The following HMCN2 variants were observed in gnomAD, a reference collection of about 807,000 sequenced individuals.
HMCN2 encodes the protein hemicentin-2.
In HMCN2, 325 loss-of-function variants were observed where a neutral mutation model predicts 377.5. That is an observed-to-expected ratio of 0.86 (90% CI 0.79 to 0.94). The LOEUF (loss-of-function observed/expected upper bound fraction) is 0.94. Ranked by LOEUF, HMCN2 falls within the 40% of genes least tolerant of loss-of-function variation. The probability of loss-of-function intolerance (pLI) is 0.00; values close to 1 mark genes in which losing one functional copy is unlikely to be tolerated. For missense variants in HMCN2, 4,543 were observed against 4,725.3 expected (o/e 0.96, Z 1.13); for synonymous variants, 2,007 against 2,046.8 (o/e 0.98, Z 0.53).
chr9:130,400,763 A>T lies in HMCN2; in HGVS notation c.11606-20A>T. Reference sequence around the variant, plus strand: ...CCCTGTGCCCGCCGGCAGGGCCTCAAGCCTTGTCTTGGGTTTTAGTGCCTC... The same window carrying T: ...CCCTGTGCCCGCCGGCAGGGCCTCATGCCTTGTCTTGGGTTTTAGTGCCTC... On this transcript the variant is annotated intron_variant, in intron 76 of 97. Coordinates refer to ENST00000683500, the MANE Select transcript of HMCN2 (RefSeq NM_001291815.2). 7.8e-7 allele frequency: 1 copy of T among 1,275,528 alleles called. No homozygotes were observed. Among genetic ancestry groups the T allele is most frequent in the Non-Finnish European group, 1.0e-6 (1 of 981,144 alleles). 79.0% of individuals were successfully genotyped at this position (1,275,528 alleles called of 1,614,324 possible). A position where few individuals can be genotyped will look rare whatever the true frequency, so the allele number is the denominator to read the frequency against.
chr9:130,395,133 G>GGGC, intron 70 of HMCN2, 25 bp downstream of exon 70: 3 of 453,780 alleles, frequency 6.6e-6, no homozygotes, highest in Non-Finnish European at 7.8e-6. Flanking sequence ...TGGGGTGGGG[G>GGGC]CAGGGCCGGG....
chr9:130,348,306 G>A (rs138032011), intron 26 of HMCN2, among the ~76,000 whole-genome samples: 7 of 152,358 alleles, frequency 4.6e-5, no homozygotes, highest in African/African-American at 1.4e-4. Context: ...ACCTTGCAAA[G>A]CTGAGAGTCA....
At position 130,386,501 on chromosome 9, in the gene HMCN2, G is replaced by C; in HGVS notation, c.9368G>C (p.Arg3123Pro). 1 of 1,303,640 alleles carries C rather than the reference G, an allele frequency of 7.7e-7. No individual in the cohort carries two copies. The highest frequency in any genetic ancestry group is 1.0e-6 in the Non-Finnish European group (1 of 988,850). The allele number at this position is 1,303,640 out of a possible 1,614,324, so 80.8% of individuals were successfully genotyped here. A position where few individuals can be genotyped will look rare whatever the true frequency, so the allele number is the denominator to read the frequency against. The change falls in exon 61 of 98, where the codon CGG becomes CCG. Residue 3123 changes from arginine (R) to proline (P), a missense_variant. Arg to Pro is a moderately radical substitution (Grantham distance 103). Transcript: ENST00000683500. ...AGCAACGTGGCTGGGGAGGCCGTGCGGACCTTCACCCTCACCGTCCAGGGT... is the reference window on the plus strand; with the variant it reads ...AGCAACGTGGCTGGGGAGGCCGTGCCGACCTTCACCCTCACCGTCCAGGGT... The part of the protein sequence containing the change: ...KVSNVAGEAV[R>P]TFTLTVQVPP...
intron 85 of HMCN2, among the ~76,000 whole-genome samples, chr9:130,411,660 A>G (rs566287515): frequency 1.3e-5 from 2 of 152,114 alleles, no homozygotes; most frequent in South Asian, 2.1e-4. Context: ...AGGCTACAAC[A>G]TAGATGAACC....
At chr9:130,340,535 T>G (rs36139561) in intron 23 of HMCN2, among the ~76,000 whole-genome samples, 2 of 149,798 alleles carry the variant, frequency 1.3e-5, no homozygotes. Flanking sequence ...TTTTTTTTTT[T>G]CTTAGACGGA....
At chr9:130,432,982 G>A (rs1391844770) in intron 97 of HMCN2, 4 of 368,046 alleles carry the variant, frequency 1.1e-5, no homozygotes, top group Non-Finnish European at 1.5e-5. Context: ...GATGCCCGCG[G>A]CAAGGCTAAG....
At chr9:130,356,835 A>G (rs1470509704) in intron 34 of HMCN2, among the ~76,000 whole-genome samples, 4 of 152,212 alleles carry the variant, frequency 2.6e-5, no homozygotes. Flanking sequence ...CCAGGGGCCC[A>G]GTATAGTTCT....
At chr9:130,302,479 C>T (rs1340832068) in intron 8 of HMCN2, among the ~76,000 whole-genome samples, 1 of 152,206 alleles carries the variant, frequency 6.6e-6, no homozygotes, top group Non-Finnish European at 1.5e-5. Context: ...AGCATTTCAT[C>T]AGATTTCATA....
chr9:130,381,786 C>T (rs1257209766), intron 54 of HMCN2, among the ~76,000 whole-genome samples: 1 of 152,150 alleles, frequency 6.6e-6, no homozygotes, highest in Non-Finnish European at 1.5e-5. Context: ...CCCTTGCCTC[C>T]TGAGTCTCTG....
intron 84 of HMCN2, among the ~76,000 whole-genome samples, chr9:130,409,160 A>G (rs1021790385): frequency 6.6e-6 from 1 of 152,118 alleles, no homozygotes; most frequent in Admixed American, 6.5e-5. Context: ...AATTAGTTCT[A>G]CCTCATAGGA....
At chr9:130,426,007 C>T in intron 90 of HMCN2, 83 bp downstream of exon 90, 1 of 998,816 alleles carries the variant, frequency 1.0e-6, no homozygotes, top group East Asian at 2.6e-5. Context: ...CTGGAATCCA[C>T]CCCTGCCCCT....
In HMCN2 at chr9:130,361,637, T is replaced by C. The variant is rs1840392561; in HGVS notation, c.5951-371T>C. Among the ~76,000 whole-genome samples the C allele has an allele frequency of 6.6e-6, 1 of 152,190 alleles. No homozygotes were observed. The highest frequency in any genetic ancestry group is 6.5e-5 in the Admixed American group (1 of 15,294). ...AGGGGACTGCCTGTAATATGGTATT[T>C]CATCTCACACCCCTGAGTTAGGAAG... is the stretch of plus-strand genomic sequence containing the variant. On this transcript the variant is annotated intron_variant, in intron 38 of 97. Coordinates refer to ENST00000683500, the MANE Select transcript of HMCN2 (RefSeq NM_001291815.2). The surrounding 1 kb of genome is among the most constrained non-coding windows in gnomAD (Gnocchi z 4.8).
intron 74 of HMCN2, among the ~76,000 whole-genome samples, chr9:130,397,984 CA>C (rs113975575): frequency 0.25 from 35,566 of 143,038 alleles, 4,817 homozygotes; most frequent in East Asian, 0.41. Flanking sequence ...CCCATCTCTA[CA>C]AAAAAAAAAA....
chr9:130,361,591 T>G lies in HMCN2; in HGVS notation c.5951-417T>G, dbSNP rs949072167. 1.3e-5 allele frequency among the ~76,000 whole-genome samples: 2 copies of G among 152,196 alleles called. No homozygotes were observed. The highest frequency in any genetic ancestry group is 4.8e-5 in the African/African-American group (2 of 41,444). On this transcript the variant is annotated intron_variant, in intron 38 of 97. Transcript: ENST00000683500. This position sits in a 1 kb window ranked among gnomAD's most constrained non-coding sequence, Gnocchi z 4.8. ...GGTGCCTCCCAGATACAATGGAATC[T>G]TCTGGCTATTTTCTGCCAAAAGGGG...
rs899995804 is a variant in HMCN2 at position 130,385,691 on chromosome 9, C to T, written c.9238C>T (p.Gln3080Ter). ...EPTVTWYKDG[Q>*]PLVLAQRTQA... ...AACTGTGACCTGGTACAAGGATGGG[C>T]AGCCCCTGGTCCTGGCACAGCGGAC... Residue 3080 changes from glutamine (Q) to a stop codon, truncating the protein, a stop_gained, in exon 60 of 98, where the codon CAG (glutamine) becomes TAG (stop). Coordinates refer to ENST00000683500, the MANE Select transcript of HMCN2 (RefSeq NM_001291815.2). LOFTEE classifies it high-confidence loss of function. The T allele has an allele frequency of 7.7e-7, 1 of 1,304,244 alleles. No homozygotes were observed. The highest frequency in any genetic ancestry group is 1.0e-6 in the Non-Finnish European group (1 of 988,936). 80.8% of individuals were successfully genotyped at this position (1,304,244 alleles called of 1,614,324 possible).
Position 130,376,669 on chromosome 9 carries a change from G to A in HMCN2, c.8061+11G>A. 1 of 985,886 alleles carries A rather than the reference G, an allele frequency of 1.0e-6. No homozygotes were observed. Among genetic ancestry groups the A allele is most frequent in the South Asian group, 4.7e-5 (1 of 21,290 alleles). 61.1% of individuals were successfully genotyped at this position (985,886 alleles called of 1,614,324 possible). A position where few individuals can be genotyped will look rare whatever the true frequency, so the allele number is the denominator to read the frequency against. On this transcript the variant is annotated intron_variant, in intron 52 of 97. Coordinates refer to ENST00000683500, the MANE Select transcript of HMCN2 (RefSeq NM_001291815.2). Reference sequence around the variant, plus strand: ...TACAAGGATGGACAGGTGAGTTTGGGACCCCCTGCGCAGCTTCTGGCTCTC... The same window carrying A: ...TACAAGGATGGACAGGTGAGTTTGGAACCCCCTGCGCAGCTTCTGGCTCTC...
chr9:130,313,854 A>C (rs1837404206), intron 15 of HMCN2, among the ~76,000 whole-genome samples: 1 of 136,034 alleles, frequency 7.4e-6, no homozygotes. Context: ...ATCTTGGCTC[A>C]CTGTAACCTC....
At chr9:130,392,701 TAA>T (rs1210871701) in intron 66 of HMCN2, among the ~76,000 whole-genome samples, 1 of 151,762 alleles carries the variant, frequency 6.6e-6, no homozygotes, top group African/African-American at 2.4e-5. Context: ...GGAACCCAGG[TAA>T]AGAGTTTAAG....
At chr9:130,363,748 G>T (rs745569982) in intron 40 of HMCN2, among the ~76,000 whole-genome samples, 1 of 151,542 alleles carries the variant, frequency 6.6e-6, no homozygotes, top group Non-Finnish European at 1.5e-5. Context: ...ACTTGAACCT[G>T]GGAGGTAGAG....
Sources: allele counts gnomAD v4.1 joint callset (sites outside exome capture counted in the v4.1 genomes callset), GRCh38; gene constraint gnomAD v4.1.1; non-coding constraint Gnocchi (gnomAD v3.1); transcripts MANE v1.5; gene names NCBI Gene and HGNC (gene_info 2026-07-23, HGNC 2026-07-21).